CMSS1: variants seen among roughly 807,000 people sequenced by gnomAD.
The protein encoded by CMSS1 is cms1 ribosomal small subunit homolog, also known as protein CMSS1.
Under a neutral mutation model 43.5 loss-of-function variants are expected in CMSS1, and 33 were observed. The observed-to-expected ratio is 0.76, with a 90% confidence interval of 0.57 to 1.01. The LOEUF (loss-of-function observed/expected upper bound fraction) is 1.01, where lower values mean the gene tolerates loss of function less well. CMSS1 is among the 50% of genes least tolerant of loss of function. The pLI is 0.00. For missense variants in CMSS1, 313 were observed against 326.4 expected (o/e 0.96, Z 0.32); for synonymous variants, 115 against 117.2 (o/e 0.98, Z 0.12).
At chr3:100,168,884 C>T (rs1244064338) in intron 6 of CMSS1, among the ~76,000 whole-genome samples, 2 of 150,752 alleles carry the variant, frequency 1.3e-5, no homozygotes, top group African/African-American at 4.9e-5. Flanking sequence ...TATATATACA[C>T]ACACACACAT....
chr3:99,954,763 T>C (rs562496829), intron 1 of CMSS1, among the ~76,000 whole-genome samples: 1 of 151,822 alleles, frequency 6.6e-6, no homozygotes, highest in Non-Finnish European at 1.5e-5. Flanking sequence ...GAGGTGGAGA[T>C]TGCAGTGAGC....
chr3:100,115,494 C>G (rs982301923), intron 1 of CMSS1, among the ~76,000 whole-genome samples: 9 of 151,886 alleles, frequency 5.9e-5, no homozygotes, highest in African/African-American at 2.2e-4. Context: ...TCCATATGCT[C>G]TTCACTAAGG....
intron 1 of CMSS1, among the ~76,000 whole-genome samples, chr3:100,115,871 C>G (rs2066563318): frequency 6.6e-6 from 1 of 152,062 alleles, no homozygotes; most frequent in Non-Finnish European, 1.5e-5. Flanking sequence ...GTTTTTTAGT[C>G]CACGATTATG....
intron 2 of CMSS1, 135 bp from the exon 3 acceptor site, chr3:100,160,295 A>G (rs1435994893): frequency 2.3e-5 from 14 of 620,422 alleles, no homozygotes; most frequent in Non-Finnish European, 3.9e-5. Flanking sequence ...ATCTTCCAGC[A>G]TCTCTCTTTC....
chr3:99,825,672 C>T (rs1942522577), intron 1 of CMSS1, among the ~76,000 whole-genome samples: 1 of 152,034 alleles, frequency 6.6e-6, no homozygotes, highest in Admixed American at 6.6e-5. Context: ...AAAAATACAA[C>T]TCATAAATGT....
intron 8 of CMSS1, among the ~76,000 whole-genome samples, chr3:100,172,853 G>A (rs1009705629): frequency 1.3e-5 from 2 of 152,070 alleles, no homozygotes; most frequent in African/African-American, 4.8e-5. Flanking sequence ...TTCTCTTTTA[G>A]TGCTTTACAG....
chr3:99,914,939 G>C (rs1472645188), intron 1 of CMSS1, among the ~76,000 whole-genome samples: 1 of 152,174 alleles, frequency 6.6e-6, no homozygotes, highest in Non-Finnish European at 1.5e-5. Flanking sequence ...GTTTTTGTTA[G>C]TGAAAAAATA....
chr3:99,834,552 C>T (rs894289584), intron 1 of CMSS1, among the ~76,000 whole-genome samples: 1 of 152,174 alleles, frequency 6.6e-6, no homozygotes, highest in Non-Finnish European at 1.5e-5. Context: ...TGTAGCAATA[C>T]TTTGTTAAAA....
chr3:100,145,176 C>T (rs1315842987), intron 1 of CMSS1, among the ~76,000 whole-genome samples: 2 of 152,058 alleles, frequency 1.3e-5, no homozygotes, highest in Non-Finnish European at 1.5e-5. Flanking sequence ...TATGGTGGCT[C>T]ATGCCTGTAA....
At chr3:100,137,935 A>G (rs965639261) in intron 1 of CMSS1, among the ~76,000 whole-genome samples, 4 of 152,146 alleles carry the variant, frequency 2.6e-5, no homozygotes, top group African/African-American at 7.2e-5. Flanking sequence ...ATTAGAAACT[A>G]TATACTCAGA....
chr3:100,066,907 C>T (rs2107360444), intron 1 of CMSS1, among the ~76,000 whole-genome samples: 1 of 152,234 alleles, frequency 6.6e-6, no homozygotes, highest in South Asian at 2.1e-4. Flanking sequence ...ATATTTATAG[C>T]CAGTCATTAC....
At chr3:99,845,162 A>G (rs1043063196) in intron 1 of CMSS1, among the ~76,000 whole-genome samples, 4 of 152,220 alleles carry the variant, frequency 2.6e-5, no homozygotes, top group African/African-American at 9.6e-5. Flanking sequence ...TTATGTGTAC[A>G]GATTCAAGTG....
Position 100,032,592 on chromosome 3 carries a change from G to A in CMSS1, c.65-114381G>A, listed in dbSNP as rs541134308. On this transcript the variant is annotated intron_variant, in intron 1 of 9. Coordinates refer to ENST00000421999, the MANE Select transcript of CMSS1 (RefSeq NM_032359.4). The stretch of plus-strand genomic sequence containing the variant: ...ACAGAAAATGCATTTTGTATCACAA[G>A]AACACATAAAAATCTCTATTTTTTG... Among the ~76,000 whole-genome samples, 105 of 152,186 alleles carry A rather than the reference G, an allele frequency of 6.9e-4. No individual in the cohort carries two copies. The South Asian group carries it at 0.021, about 31-fold the overall frequency.
chr3:100,158,157 T>C (rs1229334494), intron 2 of CMSS1, among the ~76,000 whole-genome samples: 1 of 152,216 alleles, frequency 6.6e-6, no homozygotes, highest in Admixed American at 6.5e-5. Flanking sequence ...TTATTTTCAG[T>C]TTACTGGTAT....
At chr3:99,935,335 G>A (rs1347531987) in intron 1 of CMSS1, among the ~76,000 whole-genome samples, 1 of 151,376 alleles carries the variant, frequency 6.6e-6, no homozygotes, top group Admixed American at 6.6e-5. Context: ...ATGAAGTGCT[G>A]ACCTAGTACC....
At chr3:100,123,864 C>A (rs2066641400) in intron 1 of CMSS1, among the ~76,000 whole-genome samples, 1 of 152,222 alleles carries the variant, frequency 6.6e-6, no homozygotes, top group African/African-American at 2.4e-5. Flanking sequence ...TTCATGCCAA[C>A]TTCCCAGTGT....
chr3:100,176,163 A>C (rs2067146453), intron 8 of CMSS1, 164 bp from the exon 9 acceptor site: 1 of 556,788 alleles, frequency 1.8e-6, no homozygotes, highest in South Asian at 2.3e-5. Context: ...AGAGTGCTGC[A>C]TTTGTTTTCC....
intron 1 of CMSS1, among the ~76,000 whole-genome samples, chr3:100,145,341 G>A (rs532499866): frequency 6.6e-6 from 1 of 152,116 alleles, no homozygotes; most frequent in Admixed American, 6.5e-5. Context: ...CCAGCTACTC[G>A]GGAGGCTGAG....
Position 99,840,952 on chromosome 3 carries a change from A to C in CMSS1, c.64+22909A>C, listed in dbSNP as rs1052705615. On this transcript the variant is annotated intron_variant, in intron 1 of 9. Coordinates refer to ENST00000421999, the MANE Select transcript of CMSS1 (RefSeq NM_032359.4). ...TATTGGTAGAGATTGACAGTTTCCC[A>C]CTTGATTAAATGTTGTCTGATACTC... Among the ~76,000 whole-genome samples, 6 of 152,242 alleles carry C rather than the reference A, an allele frequency of 3.9e-5. No individual in the cohort carries two copies. The East Asian group carries it at 9.6e-4, about 24-fold the overall frequency.
Sources: allele counts gnomAD v4.1 joint callset (sites outside exome capture counted in the v4.1 genomes callset), GRCh38; gene constraint gnomAD v4.1.1; transcripts MANE v1.5; gene names NCBI Gene and HGNC (gene_info 2026-07-23, HGNC 2026-07-21).